Variants in FRMD4A observed in about 807,000 individuals in gnomAD.
FRMD4A encodes the protein FERM domain containing 4A.
In FRMD4A, 29 loss-of-function variants were observed where a neutral mutation model predicts 129.1. The ratio of observed to expected loss-of-function variants is 0.22; its 90% CI spans 0.17 to 0.31. The LOEUF (loss-of-function observed/expected upper bound fraction) is 0.31, where lower values mean the gene tolerates loss of function less well. FRMD4A is among the 10% of genes least tolerant of loss of function. The pLI, the probability that FRMD4A is intolerant of heterozygous loss-of-function variation, is 1.00. For synonymous variants in FRMD4A, 634 were observed against 571.6 expected, an observed-to-expected ratio of 1.11 and a Z score of -1.56; for missense variants, 1,272 against 1,375.8, an observed-to-expected ratio of 0.92 and a Z score of 1.19.
At chr10:13,949,952 C>A (rs549581964) in intron 2 of FRMD4A, among the ~76,000 whole-genome samples, 1 of 152,366 alleles carries the variant, frequency 6.6e-6, no homozygotes, top group Admixed American at 6.5e-5. Context: ...AGATGTTAGT[C>A]ATTTTCCATG....
intron 3 of FRMD4A, among the ~76,000 whole-genome samples, chr10:13,839,987 T>C (rs1463038654): frequency 1.3e-5 from 2 of 152,090 alleles, no homozygotes. Flanking sequence ...AATGACGGAG[T>C]GAGGCCCATG....
chr10:13,967,510 T>C (rs1210438270), intron 2 of FRMD4A, among the ~76,000 whole-genome samples: 1 of 152,152 alleles, frequency 6.6e-6, no homozygotes, highest in East Asian at 1.9e-4. Flanking sequence ...TAACACCACC[T>C]GTTCCCCAAT....
At chr10:13,704,010 C>G (rs922122706) in intron 13 of FRMD4A, among the ~76,000 whole-genome samples, 3 of 151,628 alleles carry the variant, frequency 2.0e-5, no homozygotes, top group African/African-American at 7.3e-5. Context: ...TCTCAAAAAA[C>G]AAAACAAACA....
At position 13,670,538 on chromosome 10, in the gene FRMD4A, T is replaced by G. The variant is rs769471096; in HGVS notation, c.1252-10A>C. 1 of 1,611,622 alleles carries G rather than the reference T, an allele frequency of 6.2e-7. No individual in the cohort carries two copies. Among genetic ancestry groups the G allele is most frequent in the African/African-American group, 1.3e-5 (1 of 74,830 alleles). ...GCTTGCCCGTGAGCTCCTGCATATG[T>G]GAAATGGCATTCGGAGTGAGCACAA... On this transcript the variant is annotated splice_polypyrimidine_tract_variant and intron_variant, in intron 16 of 24. Coordinates refer to ENST00000357447, the MANE Select transcript of FRMD4A (RefSeq NM_018027.5).
At chr10:13,844,705 G>A (rs1040239225) in intron 3 of FRMD4A, among the ~76,000 whole-genome samples, 2 of 152,214 alleles carry the variant, frequency 1.3e-5, no homozygotes, top group African/African-American at 2.4e-5. Flanking sequence ...GGCATTTCCT[G>A]GAGAATGTGT....
chr10:13,960,253 TGAAA>T (rs2095438201), intron 2 of FRMD4A, among the ~76,000 whole-genome samples: 1 of 152,236 alleles, frequency 6.6e-6, no homozygotes, highest in East Asian at 1.9e-4. Flanking sequence ...CCCTGGAAAC[TGAAA>T]GGAAACTCAC....
chr10:14,301,491 T>C (rs953116168), intron 2 of FRMD4A, among the ~76,000 whole-genome samples: 3 of 152,208 alleles, frequency 2.0e-5, no homozygotes, highest in Admixed American at 2.0e-4. Context: ...ATTTTACTTT[T>C]GACATTACAC....
chr10:14,032,618 C>G (rs889220130), intron 2 of FRMD4A, among the ~76,000 whole-genome samples: 2 of 152,204 alleles, frequency 1.3e-5, no homozygotes, highest in African/African-American at 4.8e-5. Context: ...TGAAGGCCAC[C>G]AGGGGGCGCC....
chr10:13,724,481 A>G (rs1377127348), intron 12 of FRMD4A, among the ~76,000 whole-genome samples: 1 of 151,966 alleles, frequency 6.6e-6, no homozygotes, highest in Non-Finnish European at 1.5e-5. Flanking sequence ...GAGAAACCAG[A>G]TCTGTTCATA....
intron 2 of FRMD4A, among the ~76,000 whole-genome samples, chr10:14,258,407 A>G (rs1208675158): frequency 1.3e-5 from 2 of 152,120 alleles, no homozygotes; most frequent in East Asian, 3.8e-4. Flanking sequence ...CAGACATTTC[A>G]TCAAAGCAGA....
intron 2 of FRMD4A, among the ~76,000 whole-genome samples, chr10:14,223,172 G>A (rs1309603719): frequency 1.3e-5 from 2 of 152,190 alleles, no homozygotes; most frequent in African/African-American, 2.4e-5. Context: ...CCCCTGAGAT[G>A]CAGACTTCTA....
chr10:13,798,079 T>G (rs2093162085), intron 4 of FRMD4A, among the ~76,000 whole-genome samples: 1 of 152,220 alleles, frequency 6.6e-6, no homozygotes, highest in African/African-American at 2.4e-5. Flanking sequence ...ACTTTATCTT[T>G]TTATTACCTT....
chr10:13,734,702 C>T (rs1017200476), intron 12 of FRMD4A, among the ~76,000 whole-genome samples: 23 of 152,320 alleles, frequency 1.5e-4, no homozygotes, highest in African/African-American at 4.1e-4. Context: ...GACCCTCACA[C>T]AGATTCCTAT....
At chr10:14,280,328 T>A (rs535155472) in intron 2 of FRMD4A, among the ~76,000 whole-genome samples, 10 of 151,772 alleles carry the variant, frequency 6.6e-5, no homozygotes, top group East Asian at 1.9e-4. Flanking sequence ...TTTTTTTTTT[T>A]AAATTTAGGG....
chr10:14,324,360 G>A (rs1224871531), intron 2 of FRMD4A, among the ~76,000 whole-genome samples: 1 of 152,114 alleles, frequency 6.6e-6, no homozygotes, highest in African/African-American at 2.4e-5. Context: ...CTGACTTGGA[G>A]GTAACAATGA....
intron 2 of FRMD4A, among the ~76,000 whole-genome samples, chr10:14,075,017 G>C (rs1459176772): frequency 6.6e-6 from 1 of 151,632 alleles, no homozygotes; most frequent in Non-Finnish European, 1.5e-5. Context: ...TAGAATCAAA[G>C]AAAGATGTCC....
At chr10:14,120,825 C>A (rs1838468825) in intron 2 of FRMD4A, among the ~76,000 whole-genome samples, 1 of 152,200 alleles carries the variant, frequency 6.6e-6, no homozygotes, top group African/African-American at 2.4e-5. Flanking sequence ...TTGCCTTAAC[C>A]AGCACACAAC....
At chr10:13,926,947 C>T (rs1354472852) in intron 2 of FRMD4A, among the ~76,000 whole-genome samples, 1 of 152,138 alleles carries the variant, frequency 6.6e-6, no homozygotes, top group African/African-American at 2.4e-5. Context: ...CCAACCCAAG[C>T]CTTCATTTAA....
chr10:14,219,922 T>C (rs1365655044), intron 2 of FRMD4A, among the ~76,000 whole-genome samples: 4 of 152,166 alleles, frequency 2.6e-5, no homozygotes, highest in African/African-American at 9.7e-5. Flanking sequence ...AAAGTACATT[T>C]CCCCCTAATT....
Sources: gnomAD v4.1 joint callset for allele counts (sites outside exome capture counted in the v4.1 genomes callset) on GRCh38, gnomAD v4.1.1 for gene constraint, MANE v1.5 for transcripts, NCBI Gene and HGNC (gene_info 2026-07-23, HGNC 2026-07-21) for gene names.